The following IGSF21 variants were observed in gnomAD, a reference collection of about 807,000 sequenced individuals.
IGSF21 encodes the protein immunoglobin superfamily member 21, also known as immunoglobulin superfamily member 21.
A neutral mutation model predicts 46.8 loss-of-function variants in IGSF21; 28 were observed. The observed-to-expected ratio is 0.60, with a 90% CI of 0.44 to 0.82. The LOEUF (loss-of-function observed/expected upper bound fraction) is 0.82. Among genes scored for constraint, IGSF21 ranks in the 40% least tolerant of loss-of-function variants. IGSF21 has a pLI of 0.00. For missense variants in IGSF21, 624 were observed against 665.5 expected, an observed-to-expected ratio of 0.94 and a Z score of 0.69; for synonymous variants, 284 against 273.6, an observed-to-expected ratio of 1.04 and a Z score of -0.38.
In IGSF21 at chr1:18,365,697, G is replaced by A. The variant is rs1557663170; in HGVS notation, c.1015G>A (p.Val339Ile). ...SMPMQAEVTL[V>I]APKGPKIVMT... ...GCCCATGCAGGCAGAGGTCACGCTG[G>A]GTAAGACTTGGTGGGGGCCCTTCTG... The change falls in exon 6 of 10, where the codon GTT (valine) becomes ATT (isoleucine). Residue 339 changes from valine (V) to isoleucine (I), a missense_variant and splice_region_variant. Physicochemically the swap from Val to Ile is conservative, Grantham distance 29. Coordinates refer to ENST00000251296, the MANE Select transcript of IGSF21 (RefSeq NM_032880.5). The surrounding 1 kb of genome is among the most constrained non-coding windows in gnomAD (Gnocchi z 4.8). The A allele has an allele frequency of 1.2e-6, 2 of 1,606,662 alleles. No individual in the cohort carries two copies. The highest frequency in any genetic ancestry group is 1.7e-6 in the Non-Finnish European group (2 of 1,175,034).
intron 3 of IGSF21, among the ~76,000 whole-genome samples, chr1:18,318,852 C>T (rs539852282): frequency 1.5e-4 from 23 of 152,218 alleles, no homozygotes; most frequent in African/African-American, 4.8e-4. Flanking sequence ...CAAATCTATA[C>T]GTTTGGCTTT....
In IGSF21 at chr1:18,109,296, G is replaced by A. The variant is rs1290280175; in HGVS notation, c.70+1098G>A. ...AGGCTCCGCGTCCGGGATCCTCCTC[G>A]GAGCCTGGTGCCAACCTCAGCCTGG... On this transcript the variant is annotated intron_variant, in intron 1 of 9. Coordinates refer to ENST00000251296, the MANE Select transcript of IGSF21 (RefSeq NM_032880.5). The surrounding 1 kb of genome is among the most constrained non-coding windows in gnomAD (Gnocchi z 4.8). 1 of 152,052 alleles carries A rather than the reference G, an allele frequency of 6.6e-6. No individual in the cohort carries two copies. The highest frequency in any genetic ancestry group is 1.5e-5 in the Non-Finnish European group (1 of 68,014). 9.4% of individuals were successfully genotyped at this position (152,052 alleles called of 1,614,324 possible). A position where few individuals can be genotyped will look rare whatever the true frequency, so the allele number is the denominator to read the frequency against.
chr1:18,288,226 A>G (rs1483428526), intron 2 of IGSF21, among the ~76,000 whole-genome samples: 1 of 152,168 alleles, frequency 6.6e-6, no homozygotes, highest in Non-Finnish European at 1.5e-5. Context: ...CCTCCCATAG[A>G]CAGAAAGAGC....
At chr1:18,234,783 A>G (rs2084658262) in intron 2 of IGSF21, among the ~76,000 whole-genome samples, 1 of 152,142 alleles carries the variant, frequency 6.6e-6, no homozygotes, top group Non-Finnish European at 1.5e-5. Context: ...CTTGGGAACC[A>G]CAGTTCAAGA....
At chr1:18,364,754 C>T (rs1219764976) in intron 5 of IGSF21, among the ~76,000 whole-genome samples, 1 of 152,052 alleles carries the variant, frequency 6.6e-6, no homozygotes, top group Non-Finnish European at 1.5e-5. Context: ...TTCCCTCATC[C>T]TCTCCCAACG....
intron 1 of IGSF21, among the ~76,000 whole-genome samples, chr1:18,204,680 G>T (rs149936327): frequency 2.0e-5 from 3 of 152,270 alleles, no homozygotes; most frequent in Non-Finnish European, 4.4e-5. Flanking sequence ...CTCCCTTGGA[G>T]CATGACAGCT....
At position 18,322,148 on chromosome 1, in the gene IGSF21, G is replaced by A. The variant is rs1251235907; in HGVS notation, c.306-12744G>A. On this transcript the variant is annotated intron_variant, in intron 3 of 9. Coordinates refer to ENST00000251296, the MANE Select transcript of IGSF21 (RefSeq NM_032880.5). The surrounding 1 kb of genome is among the most constrained non-coding windows in gnomAD (Gnocchi z 4.3). ...GAATGAGATCAGTTTTCAGTGCCTC[G>A]CACAGGGTCTCGCACACAGGAGGTG... Among the ~76,000 whole-genome samples the A allele has an allele frequency of 6.6e-6, 1 of 152,076 alleles. No individual in the cohort carries two copies. Among genetic ancestry groups the A allele is most frequent in the Non-Finnish European group, 1.5e-5 (1 of 68,026 alleles).
chr1:18,181,713 ACT>A (rs934228606), intron 1 of IGSF21, among the ~76,000 whole-genome samples: 41 of 151,726 alleles, frequency 2.7e-4, no homozygotes, highest in African/African-American at 7.5e-4. Context: ...GAATATAGTG[ACT>A]CTTCTCCCAG....
Position 18,138,957 on chromosome 1 carries a change from A to C in IGSF21, c.70+30759A>C, listed in dbSNP as rs557463509. Among the ~76,000 whole-genome samples the C allele has an allele frequency of 4.6e-5, 7 of 152,294 alleles. No homozygotes were observed. The East Asian group carries it at 1.4e-3, about 29-fold the overall frequency. ...ATTCAGACCTGTCATTTTGTCTTCA[A>C]GCACTTAGTAAGCACCTGCTGAGTG... On this transcript the variant is annotated intron_variant, in intron 1 of 9. Coordinates refer to ENST00000251296, the MANE Select transcript of IGSF21 (RefSeq NM_032880.5).
intron 3 of IGSF21, among the ~76,000 whole-genome samples, chr1:18,296,811 C>A (rs2085316148): frequency 6.6e-6 from 1 of 152,182 alleles, no homozygotes; most frequent in South Asian, 2.1e-4. Context: ...CATGCTGTGT[C>A]TTCCATTTCC....
intron 4 of IGSF21, among the ~76,000 whole-genome samples, chr1:18,361,163 A>G (rs1030414983): frequency 6.6e-6 from 1 of 152,100 alleles, no homozygotes; most frequent in South Asian, 2.1e-4. Context: ...CATCCTCCCC[A>G]GCTGAAATTC....
chr1:18,161,915 G>A (rs910252382), intron 1 of IGSF21, among the ~76,000 whole-genome samples: 3 of 152,274 alleles, frequency 2.0e-5, no homozygotes, highest in South Asian at 4.1e-4. Flanking sequence ...ACGTCTCTGA[G>A]CCTCTGTTTT....
At chr1:18,123,038 T>C (rs918921816) in intron 1 of IGSF21, among the ~76,000 whole-genome samples, 1 of 152,152 alleles carries the variant, frequency 6.6e-6, no homozygotes, top group East Asian at 1.9e-4. Context: ...AAAATACCAG[T>C]TTGGTAGGAA....
At position 18,335,372 on chromosome 1, in the gene IGSF21, T is replaced by C. The variant is rs537821167; in HGVS notation, c.424+362T>C. Among the ~76,000 whole-genome samples, 42 of 152,318 alleles carry C rather than the reference T, an allele frequency of 2.8e-4. No individual in the cohort carries two copies. Among genetic ancestry groups the C allele is most frequent in the African/African-American group, 9.6e-4 (40 of 41,562 alleles). ...GATTCTCCTGCACCTCCTGAGGCCT[T>C]AATGGAGAGGGCATAGGATCTGGAG... On this transcript the variant is annotated intron_variant, in intron 4 of 9. Coordinates refer to ENST00000251296, the MANE Select transcript of IGSF21 (RefSeq NM_032880.5). This position sits in a 1 kb window ranked among gnomAD's most constrained non-coding sequence, Gnocchi z 4.8.
chr1:18,364,068 G>A (rs2086132734), intron 5 of IGSF21, among the ~76,000 whole-genome samples: 1 of 152,028 alleles, frequency 6.6e-6, no homozygotes, highest in African/African-American at 2.4e-5. Flanking sequence ...CACAGCCCAG[G>A]GGCTGTAGGA....
chr1:18,110,728 A>G (rs2086135900), intron 1 of IGSF21: 1 of 152,028 alleles, frequency 6.6e-6, no homozygotes, highest in African/African-American at 2.4e-5. Flanking sequence ...ATTTCTCGGG[A>G]CTCCTGGGCG....
chr1:18,328,079 G>A (rs2124600575), intron 3 of IGSF21, among the ~76,000 whole-genome samples: 1 of 152,316 alleles, frequency 6.6e-6, no homozygotes, highest in East Asian at 1.9e-4. Flanking sequence ...GTAGACGGAT[G>A]TAGACTGGAG....
At chr1:18,225,085 T>TCTCTCACACACACA in intron 1 of IGSF21, among the ~76,000 whole-genome samples, 10 of 51,612 alleles carry the variant, frequency 1.9e-4, no homozygotes, top group African/African-American at 7.0e-4. Flanking sequence ...TCTCTCTCTC[T>TCTCTCACACACACA]CACACACACA....
chr1:18,295,281 C>G (rs1179248541), intron 3 of IGSF21, among the ~76,000 whole-genome samples: 1 of 152,158 alleles, frequency 6.6e-6, no homozygotes, highest in Non-Finnish European at 1.5e-5. Flanking sequence ...AGCCCCAGAG[C>G]CCAGAACTCC....
Sources: gnomAD v4.1 joint callset for allele counts (sites outside exome capture counted in the v4.1 genomes callset) on GRCh38, gnomAD v4.1.1 for gene constraint, Gnocchi (gnomAD v3.1) non-coding constraint, MANE v1.5 for transcripts, NCBI Gene and HGNC (gene_info 2026-07-23, HGNC 2026-07-21) for gene names.